WWC1: variants seen among roughly 807,000 people sequenced by gnomAD.
WWC1 encodes the protein WW and C2 domain containing 1, also known as protein KIBRA.
Under a neutral mutation model 138.4 loss-of-function variants are expected in WWC1, and 55 were observed. The observed-to-expected ratio is 0.40, with a 90% confidence interval of 0.32 to 0.50. The LOEUF (loss-of-function observed/expected upper bound fraction) is 0.50. Among genes scored for constraint, WWC1 ranks in the 20% least tolerant of loss-of-function variants. WWC1 has a pLI of 0.72. For missense variants in WWC1, 1,226 were observed against 1,420.4 expected (o/e 0.86, Z 2.20); for synonymous variants, 524 against 564.9 (o/e 0.93, Z 1.03).
intron 1 of WWC1, among the ~76,000 whole-genome samples, chr5:168,350,517 G>A (rs899444324): frequency 3.3e-5 from 5 of 152,164 alleles, no homozygotes; most frequent in Non-Finnish European, 4.4e-5. Flanking sequence ...CGTGGGTCAC[G>A]AGGGTGCTTG....
intron 1 of WWC1, among the ~76,000 whole-genome samples, chr5:168,335,110 C>T (rs911032815): frequency 6.6e-6 from 1 of 152,166 alleles, no homozygotes. Context: ...GAGGTGAGGG[C>T]TTTCTAAGTC....
intron 1 of WWC1, among the ~76,000 whole-genome samples, chr5:168,369,813 G>A (rs1486902452): frequency 3.3e-5 from 5 of 151,668 alleles, no homozygotes; most frequent in African/African-American, 7.3e-5. Context: ...TGGATTTGGA[G>A]TGAGTTTTAG....
rs1281997781 is a variant in WWC1 at position 168,403,047 on chromosome 5, TTTCTTTCTTTCTTTCTTTCTTTC to T, written c.591-3148_591-3126del. ...CTTTCTTTCTTTCTTTCTTTCTTTCTTTCTTTCTTTCTTTCTTTCTTTCTTTCTTTCTTTTCTTTCTTTTCTTT... is the reference window on the plus strand; with the variant it reads ...CTTTCTTTCTTTCTTTCTTTCTTTCTTTTCTTTCTTTTCTTTCTTTTCTTT... On this transcript the variant is annotated intron_variant, in intron 5 of 22. Coordinates refer to ENST00000265293, the MANE Select transcript of WWC1 (RefSeq NM_015238.3). Among the ~76,000 whole-genome samples, 183 of 132,112 alleles carry T rather than the reference TTTCTTTCTTTCTTTCTTTCTTTC, an allele frequency of 1.4e-3. 2 individuals are homozygous for T. The highest frequency in any genetic ancestry group is 4.9e-3 in the African/African-American group (147 of 30,244). The allele number at this position is 132,112 out of a possible 152,430, so 86.7% of individuals were successfully genotyped here.
At chr5:168,339,969 G>A (rs184166747) in intron 1 of WWC1, among the ~76,000 whole-genome samples, 1 of 92,720 alleles carries the variant, frequency 1.1e-5, no homozygotes, top group Admixed American at 1.3e-4. Flanking sequence ...CTCTCTCTCT[G>A]TCTCTCTTTC....
chr5:168,349,694 G>T (rs1774777770), intron 1 of WWC1, among the ~76,000 whole-genome samples: 1 of 152,090 alleles, frequency 6.6e-6, no homozygotes, highest in Admixed American at 6.6e-5. Context: ...CATTTGACTG[G>T]CTCTCCTTCC....
chr5:168,382,360 C>T (rs1348863997), intron 2 of WWC1, among the ~76,000 whole-genome samples: 2 of 152,196 alleles, frequency 1.3e-5, no homozygotes, highest in Non-Finnish European at 2.9e-5. Flanking sequence ...ACAACAGTTA[C>T]CTCTGGGCAA....
At chr5:168,306,991 C>T (rs1862354) in intron 1 of WWC1, among the ~76,000 whole-genome samples, 98,479 of 152,150 alleles carry the variant, frequency 0.65, 32,124 homozygotes, top group Middle Eastern at 0.76. Context: ...TCTACATCTT[C>T]GAGACTCCAA....
At chr5:168,343,282 A>G (rs1774197432) in intron 1 of WWC1, among the ~76,000 whole-genome samples, 1 of 152,312 alleles carries the variant, frequency 6.6e-6, no homozygotes, top group South Asian at 2.1e-4. Flanking sequence ...GATAGCTTCA[A>G]CATTCTGAGT....
intron 5 of WWC1, among the ~76,000 whole-genome samples, chr5:168,404,458 T>G (rs987138395): frequency 3.3e-5 from 5 of 152,242 alleles, no homozygotes; most frequent in African/African-American, 1.2e-4. Flanking sequence ...GGGGCTTTGT[T>G]TTCTCTCCAT....
chr5:168,464,619 G>T, intron 20 of WWC1, 110 bp from the exon 21 acceptor site: 1 of 1,483,998 alleles, frequency 6.7e-7, no homozygotes, highest in Non-Finnish European at 9.0e-7. Context: ...AGCCCCATTC[G>T]GAAGGAGTGG....
At chr5:168,401,341 T>TA (rs1347890088) in intron 5 of WWC1, among the ~76,000 whole-genome samples, 1 of 152,184 alleles carries the variant, frequency 6.6e-6, no homozygotes, top group African/African-American at 2.4e-5. Flanking sequence ...GCAGCTCACT[T>TA]ACATTCCCAG....
intron 15 of WWC1, among the ~76,000 whole-genome samples, chr5:168,440,675 G>A (rs1041368578): frequency 6.6e-6 from 1 of 152,030 alleles, no homozygotes; most frequent in Non-Finnish European, 1.5e-5. Flanking sequence ...ACGCCACCAC[G>A]CTCGGCTAAT....
chr5:168,326,216 C>CTTTTTGTTTTTTTTT (rs1772522490), intron 1 of WWC1, among the ~76,000 whole-genome samples: 1 of 113,286 alleles, frequency 8.8e-6, no homozygotes, highest in African/African-American at 3.4e-5. Flanking sequence ...ACCTGATAGT[C>CTTTTTGTTTTTTTTT]TTTTTTTTTT....
chr5:168,465,082 C>T (rs1389583612), intron 21 of WWC1, 120 bp downstream of exon 21: 6 of 1,408,954 alleles, frequency 4.3e-6, no homozygotes, highest in Non-Finnish European at 5.6e-6. Flanking sequence ...CCACAGGTTC[C>T]ACTGAGGGTG....
chr5:168,301,868 G>T (rs1770119348), intron 1 of WWC1, among the ~76,000 whole-genome samples: 10 of 152,086 alleles, frequency 6.6e-5, no homozygotes. Flanking sequence ...TTTCTTCCTT[G>T]CCAACTCAGG....
intron 5 of WWC1, among the ~76,000 whole-genome samples, chr5:168,404,660 T>G (rs1779647017): frequency 1.3e-5 from 2 of 152,180 alleles, no homozygotes. Flanking sequence ...TGCCTGTGAG[T>G]AGTTTCTCAT....
intron 15 of WWC1, among the ~76,000 whole-genome samples, chr5:168,433,745 C>A (rs796448474): frequency 4.6e-5 from 7 of 152,252 alleles, no homozygotes; most frequent in African/African-American, 1.7e-4. Context: ...GCCATGTTGG[C>A]CAGGCTGATC....
intron 8 of WWC1, chr5:168,412,252 A>G: frequency 2.1e-6 from 2 of 951,192 alleles, no homozygotes; most frequent in Non-Finnish European, 1.3e-6. Context: ...CCTCCACCCG[A>G]AGCTCATTTT....
chr5:168,457,138 GC>G (rs1756401752), intron 19 of WWC1, among the ~76,000 whole-genome samples: 1 of 115,118 alleles, frequency 8.7e-6, no homozygotes, highest in Non-Finnish European at 1.6e-5. Flanking sequence ...GGTAGAAAGG[GC>G]ATTTTTTTTT....
Sources: gnomAD v4.1 joint callset for allele counts (sites outside exome capture counted in the v4.1 genomes callset) on GRCh38, gnomAD v4.1.1 for gene constraint, MANE v1.5 for transcripts, NCBI Gene and HGNC (gene_info 2026-07-23, HGNC 2026-07-21) for gene names.